Variants in DLGAP2 observed in about 807,000 individuals in gnomAD.
DLGAP2 encodes DLG associated protein 2, also known as disks large-associated protein 2.
Under a neutral mutation model 100.3 loss-of-function variants are expected in DLGAP2, and 26 were observed. The ratio of observed to expected loss-of-function variants is 0.26; its 90% confidence interval spans 0.19 to 0.36. The LOEUF (loss-of-function observed/expected upper bound fraction) is 0.36, where lower values mean the gene tolerates loss of function less well. DLGAP2 is among the 10% of genes least tolerant of loss of function. The pLI is 1.00. For missense variants in DLGAP2, 1,858 were observed against 1,453.2 expected, an observed-to-expected ratio of 1.28 and a Z score of -4.53; for synonymous variants, 886 against 630.1, an observed-to-expected ratio of 1.41 and a Z score of -6.08.
rs533665468 is a variant in DLGAP2, at chr8:1,647,914, G to A, written c.1810+14868G>A. Among the ~76,000 whole-genome samples the A allele has an allele frequency of 1.5e-3, 226 of 152,210 alleles. 3 individuals carry two copies. The South Asian group carries it at 0.019, about 13-fold the overall frequency. ...TGCGTCCTCACATGGTGGAAAAAGC[G>A]TAAGGAAGTTCCCTAGGATCCCTTT... On this transcript the variant is annotated intron_variant, in intron 8 of 14. Transcript: ENST00000637795.
intron 2 of DLGAP2, among the ~76,000 whole-genome samples, chr8:934,892 G>C (rs999940839): frequency 2.6e-5 from 4 of 152,206 alleles, no homozygotes; most frequent in African/African-American, 9.6e-5. Flanking sequence ...CAAAGATAGA[G>C]CTTTCCCTCA....
intron 3 of DLGAP2, among the ~76,000 whole-genome samples, chr8:1,410,802 G>A (rs1288618550): frequency 6.7e-6 from 1 of 149,920 alleles, no homozygotes; most frequent in South Asian, 2.1e-4. Context: ...ACCTTTCCCT[G>A]TGGGAATGTC....
intron 2 of DLGAP2, among the ~76,000 whole-genome samples, chr8:946,106 G>A (rs958623936): frequency 3.3e-5 from 5 of 152,182 alleles, no homozygotes; most frequent in African/African-American, 4.8e-5. Context: ...GTGTCCCTGT[G>A]ATTGCAGGAA....
chr8:1,536,981 G>A (rs1046990746), intron 4 of DLGAP2, among the ~76,000 whole-genome samples: 7 of 151,970 alleles, frequency 4.6e-5, no homozygotes, highest in Non-Finnish European at 1.0e-4. Flanking sequence ...TGCTCACCAC[G>A]ACCCTCCAAG....
rs114075279 is a variant in DLGAP2, at chr8:1,299,132, G to A, written c.106+40249G>A. Among the ~76,000 whole-genome samples the A allele has an allele frequency of 5.3e-3, 806 of 152,282 alleles. 10 individuals carry two copies. The highest frequency in any genetic ancestry group is 0.018 in the African/African-American group (749 of 41,558). On this transcript the variant is annotated intron_variant, in intron 3 of 14. Coordinates refer to ENST00000637795, the MANE Select transcript of DLGAP2 (RefSeq NM_001346810.2). ...TAAATGTGTATGGTACAAAGAAGCA[G>A]GCAATATTAAGTATGATTTTGACCA...
chr8:1,613,302 A>G lies in DLGAP2; in HGVS notation c.1443-13438A>G, dbSNP rs1307724064. ...TAAACTATTGCAAGAACAAAAAACCAAACACCGCATATTCTCACTCATAGG... is the reference window on the plus strand; with the variant it reads ...TAAACTATTGCAAGAACAAAAAACCGAACACCGCATATTCTCACTCATAGG... On this transcript the variant is annotated intron_variant, in intron 6 of 14. Transcript: ENST00000637795. 8.5e-3 allele frequency among the ~76,000 whole-genome samples: 1,274 copies of G among 149,722 alleles called. 23 individuals are homozygous for G. Among genetic ancestry groups the G allele is most frequent in the African/African-American group, 0.03 (1,211 of 40,332 alleles).
intron 10 of DLGAP2, among the ~76,000 whole-genome samples, chr8:1,670,978 G>C (rs1798676634): frequency 6.6e-6 from 1 of 152,226 alleles, no homozygotes; most frequent in African/African-American, 2.4e-5. Flanking sequence ...TGGGACAAGA[G>C]TGAGCAGGCT....
At chr8:1,304,992 G>A (rs1251082797) in intron 3 of DLGAP2, among the ~76,000 whole-genome samples, 1 of 152,174 alleles carries the variant, frequency 6.6e-6, no homozygotes, top group Non-Finnish European at 1.5e-5. Flanking sequence ...ATACTGCTAA[G>A]AATAACTGTG....
chr8:859,173 G>A lies in DLGAP2; in HGVS notation c.19-48739G>A, dbSNP rs190520045. Among the ~76,000 whole-genome samples, 361 of 150,580 alleles carry A rather than the reference G, an allele frequency of 2.4e-3. 1 individual carries two copies. The highest frequency in any genetic ancestry group is 0.014 in the Middle Eastern group (4 of 292). Reference sequence around the variant, plus strand: ...ATTGCCCAGGCTGGAGTGCAGTGGCGCAATCTCAGCTCACTGCAACCTCCA... The same window carrying A: ...ATTGCCCAGGCTGGAGTGCAGTGGCACAATCTCAGCTCACTGCAACCTCCA... On this transcript the variant is annotated intron_variant, in intron 1 of 14. Coordinates refer to ENST00000637795, the MANE Select transcript of DLGAP2 (RefSeq NM_001346810.2).
At chr8:1,273,364 G>C (rs7846280) in intron 3 of DLGAP2, among the ~76,000 whole-genome samples, 126,705 of 152,150 alleles carry the variant, frequency 0.83, 52,854 homozygotes, top group Middle Eastern at 0.89. Context: ...TTGGGAGCAT[G>C]AGGCACAGCT....
At chr8:1,330,384 C>CTA (rs1801124335) in intron 3 of DLGAP2, among the ~76,000 whole-genome samples, 1 of 142,494 alleles carries the variant, frequency 7.0e-6, no homozygotes, top group Admixed American at 7.0e-5. Context: ...GGTGGGAGCA[C>CTA]CTCTTCACAG....
intron 2 of DLGAP2, among the ~76,000 whole-genome samples, chr8:1,028,329 C>G (rs1801875204): frequency 7.0e-6 from 1 of 142,794 alleles, no homozygotes; most frequent in Non-Finnish European, 1.5e-5. Flanking sequence ...CCGTTATTCT[C>G]CAGGTCGGGT....
intron 2 of DLGAP2, among the ~76,000 whole-genome samples, chr8:967,238 T>C (rs975618977): frequency 1.4e-4 from 21 of 152,260 alleles, no homozygotes; most frequent in African/African-American, 4.8e-4. Context: ...GTGAGATTCT[T>C]TCCCCATGTT....
At chr8:896,297 T>C (rs1798139933) in intron 1 of DLGAP2, among the ~76,000 whole-genome samples, 1 of 151,816 alleles carries the variant, frequency 6.6e-6, no homozygotes, top group Non-Finnish European at 1.5e-5. Context: ...ATGGATGGGA[T>C]GCAGGTTTGG....
chr8:1,028,497 G>A (rs912305338), intron 2 of DLGAP2, among the ~76,000 whole-genome samples: 19 of 152,104 alleles, frequency 1.2e-4, no homozygotes, highest in East Asian at 3.9e-4. Context: ...GGTGCCAGGC[G>A]CCCGTTATTC....
At chr8:1,495,868 A>G (rs1799531066) in intron 3 of DLGAP2, among the ~76,000 whole-genome samples, 1 of 152,164 alleles carries the variant, frequency 6.6e-6, no homozygotes, top group African/African-American at 2.4e-5. Flanking sequence ...GTCCATCTGC[A>G]AAGCACACGA....
chr8:1,459,431 A>G (rs1798411394), intron 3 of DLGAP2, among the ~76,000 whole-genome samples: 1 of 152,368 alleles, frequency 6.6e-6, no homozygotes, highest in Non-Finnish European at 1.5e-5. Flanking sequence ...GATATTCATT[A>G]TCCATAATTA....
In DLGAP2 at chr8:1,261,532, C is replaced by CG. The variant is rs1303171546; in HGVS notation, c.106+2655dup. On this transcript the variant is annotated intron_variant, in intron 3 of 14. Coordinates refer to ENST00000637795, the MANE Select transcript of DLGAP2 (RefSeq NM_001346810.2). ...GTCCGGTGGGGAGCCCCGCATAAGT[C>CG]GGGGGGCTCTCCAGCCGAGGGTGGG... Among the ~76,000 whole-genome samples the CG allele has an allele frequency of 3.8e-3, 240 of 63,258 alleles. 2 individuals carry two copies. The highest frequency in any genetic ancestry group is 5.4e-3 in the Non-Finnish European group (189 of 35,222). The allele number at this position is 63,258 out of a possible 152,430, so 41.5% of individuals were successfully genotyped here. A position where few individuals can be genotyped will look rare whatever the true frequency, so the allele number is the denominator to read the frequency against.
Position 1,326,641 on chromosome 8 carries a change from C to G in DLGAP2, c.106+67758C>G, listed in dbSNP as rs567226751. ...TGGTCTGGGCCTGTCACTCAGGACA[C>G]GGCGAGCTCTTAGTCTTGGTCTGGG... On this transcript the variant is annotated intron_variant, in intron 3 of 14. Coordinates refer to ENST00000637795, the MANE Select transcript of DLGAP2 (RefSeq NM_001346810.2). Among the ~76,000 whole-genome samples, 20 of 152,088 alleles carry G rather than the reference C, an allele frequency of 1.3e-4. No homozygotes were observed. The East Asian group carries it at 3.3e-3, about 25-fold the overall frequency.
Sources: gnomAD v4.1 joint callset for allele counts (sites outside exome capture counted in the v4.1 genomes callset) on GRCh38, gnomAD v4.1.1 for gene constraint, MANE v1.5 for transcripts, NCBI Gene and HGNC (gene_info 2026-07-23, HGNC 2026-07-21) for gene names.